Variants in L3MBTL3 observed in about 807,000 individuals in gnomAD.
The protein encoded by L3MBTL3 is L3MBTL histone methyl-lysine binding protein 3.
L3MBTL3 carries 27 observed loss-of-function variants against 102.3 expected under a neutral mutation model. The observed-to-expected ratio is 0.26, with a 90% CI of 0.19 to 0.36. The LOEUF is 0.36. L3MBTL3 is among the 10% of genes least tolerant of loss of function. The pLI is 1.00. For missense variants in L3MBTL3, 798 were observed against 955.3 expected (o/e 0.84, Z 2.17); for synonymous variants, 340 against 320.9 (o/e 1.06, Z -0.64).
At chr6:130,073,751 TC>T (rs1467045591) in intron 13 of L3MBTL3, among the ~76,000 whole-genome samples, 1 of 152,080 alleles carries the variant, frequency 6.6e-6, no homozygotes, top group East Asian at 1.9e-4. Context: ...CTAAAAAAGA[TC>T]CTGGATTCTA....
At chr6:130,041,232 G>T (rs568820285) in intron 2 of L3MBTL3, among the ~76,000 whole-genome samples, 10 of 152,306 alleles carry the variant, frequency 6.6e-5, no homozygotes, top group South Asian at 2.1e-4. Context: ...CCTATAAATA[G>T]ACTTGATCAG....
In L3MBTL3 at chr6:130,108,718, G is replaced by A. The variant is rs141308974; in HGVS notation, c.1886+4143G>A. On this transcript the variant is annotated intron_variant, in intron 19 of 22. Coordinates refer to ENST00000361794, the MANE Select transcript of L3MBTL3 (RefSeq NM_032438.4). ...TATTTTTATTTTACTTTAAGTTGTA[G>A]GGTACATGTGCAGAATGTGCAGGTT... is the stretch of plus-strand genomic sequence containing the variant. Among the ~76,000 whole-genome samples the A allele has an allele frequency of 4.5e-3, 678 of 151,630 alleles. 6 individuals are homozygous for A. The highest frequency in any genetic ancestry group is 0.013 in the African/African-American group (543 of 41,306).
chr6:130,046,283 A>G (rs1041581079), intron 3 of L3MBTL3, among the ~76,000 whole-genome samples: 3 of 152,180 alleles, frequency 2.0e-5, no homozygotes, highest in African/African-American at 7.2e-5. Flanking sequence ...AGTAAAATTC[A>G]CCGCACTCTT....
chr6:130,058,804 G>C (rs897859945), intron 9 of L3MBTL3, among the ~76,000 whole-genome samples: 4 of 152,164 alleles, frequency 2.6e-5, no homozygotes, highest in Non-Finnish European at 5.9e-5. Flanking sequence ...CACTGGCTTT[G>C]ACCCGCAGAC....
chr6:130,045,118 CCTT>C (rs1440952158), intron 3 of L3MBTL3, among the ~76,000 whole-genome samples: 17 of 152,090 alleles, frequency 1.1e-4, no homozygotes, highest in Non-Finnish European at 2.1e-4. Flanking sequence ...CAAGTTACAC[CCTT>C]CTTCTTCACA....
intron 15 of L3MBTL3, 107 bp downstream of exon 15, chr6:130,083,812 A>G: frequency 2.0e-6 from 1 of 501,964 alleles, no homozygotes. Context: ...ATGAGAAAAA[A>G]ATAGAGCACC....
chr6:130,055,643 CCT>C (rs1260551689), intron 8 of L3MBTL3, among the ~76,000 whole-genome samples: 1 of 78,222 alleles, frequency 1.3e-5, no homozygotes, highest in African/African-American at 4.9e-5. Flanking sequence ...TCCCTCCCTC[CCT>C]CTCTCTCCCT....
chr6:130,072,367 G>A (rs1298269284), intron 13 of L3MBTL3, among the ~76,000 whole-genome samples: 3 of 152,122 alleles, frequency 2.0e-5, no homozygotes, highest in African/African-American at 7.2e-5. Context: ...ATGCCATTTT[G>A]TAAAAGGGAC....
chr6:130,052,569 C>T (rs966228950), intron 6 of L3MBTL3, among the ~76,000 whole-genome samples: 6 of 152,190 alleles, frequency 3.9e-5, no homozygotes, highest in Non-Finnish European at 5.9e-5. Flanking sequence ...GTAGATGTGA[C>T]AGACAAATAA....
At chr6:130,066,781 A>C (rs1018024409) in intron 11 of L3MBTL3, among the ~76,000 whole-genome samples, 1 of 152,214 alleles carries the variant, frequency 6.6e-6, no homozygotes, top group Non-Finnish European at 1.5e-5. Context: ...AAATACATAC[A>C]TCTTTGAAAA....
At chr6:130,077,737 G>A (rs1057006807) in intron 13 of L3MBTL3, among the ~76,000 whole-genome samples, 9 of 152,158 alleles carry the variant, frequency 5.9e-5, no homozygotes, top group Non-Finnish European at 7.4e-5. Context: ...CTGCCTTCTA[G>A]TTTCCCATCA....
chr6:130,136,949 T>C (rs1787748864), intron 22 of L3MBTL3, among the ~76,000 whole-genome samples: 1 of 152,186 alleles, frequency 6.6e-6, no homozygotes, highest in Non-Finnish European at 1.5e-5. Flanking sequence ...TACTAATTAA[T>C]TGGCTTACTT....
chr6:130,067,842 C>T (rs1287285108), intron 11 of L3MBTL3, among the ~76,000 whole-genome samples: 1 of 152,176 alleles, frequency 6.6e-6, no homozygotes, highest in Non-Finnish European at 1.5e-5. Context: ...AATTTGCCAG[C>T]ATCCTTACTT....
At chr6:130,049,199 A>G in intron 3 of L3MBTL3, 83 bp from the exon 4 acceptor site, 1 of 753,308 alleles carries the variant, frequency 1.3e-6, no homozygotes, top group Non-Finnish European at 2.3e-6. Flanking sequence ...ATTTGCTTGA[A>G]GACTATATGT....
intron 2 of L3MBTL3, among the ~76,000 whole-genome samples, chr6:130,034,103 G>T (rs1562252561): frequency 6.6e-6 from 1 of 152,130 alleles, no homozygotes; most frequent in Non-Finnish European, 1.5e-5. Flanking sequence ...ATATGCTGCA[G>T]GAACCCAGCT....
At chr6:130,113,984 G>A (rs568058380) in intron 19 of L3MBTL3, among the ~76,000 whole-genome samples, 1 of 152,294 alleles carries the variant, frequency 6.6e-6, no homozygotes, top group Admixed American at 6.5e-5. Flanking sequence ...TGCCCCATGA[G>A]GTCTTCTGGG....
chr6:130,020,988 G>T (rs9388765), intron 1 of L3MBTL3, among the ~76,000 whole-genome samples: 18,212 of 151,650 alleles, frequency 0.12, 1,408 homozygotes, highest in East Asian at 0.21. Flanking sequence ...AATTTGGGGT[G>T]GGGGGGCGCG....
chr6:130,044,495 T>A (rs189517533), intron 3 of L3MBTL3, among the ~76,000 whole-genome samples: 1 of 152,334 alleles, frequency 6.6e-6, no homozygotes, highest in Admixed American at 6.5e-5. Context: ...AAATCTGTAT[T>A]GCTTTAAGGT....
At position 130,071,031 on chromosome 6, in the gene L3MBTL3, A is replaced by G. The variant is rs1444486513; in HGVS notation, c.1148A>G (p.Lys383Arg). The G allele has an allele frequency of 1.2e-6, 2 of 1,613,394 alleles. No homozygotes were observed. The highest frequency in any genetic ancestry group is 1.7e-6 in the Non-Finnish European group (2 of 1,179,486). ...ATGAAGCTTGAGGCAGTAGACAAAA[A>G]GAATCCCTCATTCATCTGTGTTGCT... ...VGMKLEAVDK[K>R]NPSFICVATV... The change falls in exon 13 of 23, where the codon AAG (lysine) becomes AGG (arginine). Residue 383 changes from lysine (K) to arginine (R), a missense_variant. By Grantham distance (26) the Lys-to-Arg change is conservative. Around this residue, in one of 4 missense-constraint regions of L3MBTL3, gnomAD observed 434 missense variants for 506.6 expected, o/e 0.86. Transcript: ENST00000361794.
Sources: gnomAD v4.1 joint callset for allele counts (sites outside exome capture counted in the v4.1 genomes callset) on GRCh38, gnomAD v4.1.1 for gene constraint, gnomAD v4.1.1 regional missense constraint, MANE v1.5 for transcripts, NCBI Gene and HGNC (gene_info 2026-07-23, HGNC 2026-07-21) for gene names.